The following HECW2 variants were observed in gnomAD, a reference collection of about 807,000 sequenced individuals.
The protein encoded by HECW2 is E3 ubiquitin-protein ligase HECW2.
A neutral mutation model predicts 175.2 loss-of-function variants in HECW2; 61 were observed. That is an observed-to-expected ratio of 0.35 (90% confidence interval 0.28 to 0.43). The LOEUF (loss-of-function observed/expected upper bound fraction) is 0.43. HECW2 is among the 20% of genes least tolerant of loss of function. The pLI is 1.00. For synonymous variants in HECW2, 671 were observed against 731.0 expected, an observed-to-expected ratio of 0.92 and a Z score of 1.32; for missense variants, 1,524 against 2,000.5, an observed-to-expected ratio of 0.76 and a Z score of 4.54.
chr2:196,280,256 C>T (rs1169065804), intron 14 of HECW2, among the ~76,000 whole-genome samples: 1 of 152,180 alleles, frequency 6.6e-6, no homozygotes, highest in Non-Finnish European at 1.5e-5. Flanking sequence ...AAAGAACTGA[C>T]CTTTCAAACC....
At chr2:196,350,099 C>T (rs1464940567) in intron 2 of HECW2, among the ~76,000 whole-genome samples, 1 of 152,144 alleles carries the variant, frequency 6.6e-6, no homozygotes, top group Non-Finnish European at 1.5e-5. Context: ...CATGGTGGCT[C>T]ATGCTTGTAA....
At chr2:196,323,962 T>C (rs1313791203) in intron 6 of HECW2, among the ~76,000 whole-genome samples, 2 of 149,730 alleles carry the variant, frequency 1.3e-5, no homozygotes, top group Non-Finnish European at 3.0e-5. Flanking sequence ...ATTAGTAGTT[T>C]CTTAAACCAA....
At chr2:196,472,498 A>AG (rs1362260636) in intron 1 of HECW2, among the ~76,000 whole-genome samples, 1 of 151,816 alleles carries the variant, frequency 6.6e-6, no homozygotes, top group East Asian at 1.9e-4. Context: ...AAAAAAAAAA[A>AG]AAAAAAGTGA....
chr2:196,473,150 T>C (rs112231238), intron 1 of HECW2, among the ~76,000 whole-genome samples: 5,873 of 152,256 alleles, frequency 0.039, 184 homozygotes, highest in Non-Finnish European at 0.054. Flanking sequence ...AAAAACCACA[T>C]TTTTCAAAAA....
At chr2:196,348,637 G>C (rs1385400726) in intron 2 of HECW2, among the ~76,000 whole-genome samples, 1 of 152,040 alleles carries the variant, frequency 6.6e-6, no homozygotes. Flanking sequence ...GACAGAGCAA[G>C]ACCCTAACTC....
chr2:196,531,386 G>A (rs186040331), intron 1 of HECW2, among the ~76,000 whole-genome samples: 2 of 152,220 alleles, frequency 1.3e-5, no homozygotes, highest in Admixed American at 6.5e-5. Context: ...GGCCAGGTGC[G>A]GCAGCTCAGG....
chr2:196,371,239 G>A (rs6749364), intron 2 of HECW2, among the ~76,000 whole-genome samples: 38,590 of 151,988 alleles, frequency 0.25, 6,321 homozygotes, highest in African/African-American at 0.47. Context: ...TAATGTACAC[G>A]TATAGGTACA....
In HECW2 at chr2:196,201,064, G is replaced by A. The variant is rs955356834; in HGVS notation, c.*213C>T. 2 of 505,618 alleles carry A rather than the reference G, an allele frequency of 4.0e-6. No individual in the cohort carries two copies. Among genetic ancestry groups the A allele is most frequent in the Non-Finnish European group, 3.6e-6 (1 of 276,322 alleles). The allele number at this position is 505,618 out of a possible 1,614,324, so 31.3% of individuals were successfully genotyped here. A position where few individuals can be genotyped will look rare whatever the true frequency, so the allele number is the denominator to read the frequency against. Reference sequence around the variant, plus strand: ...AAGAACTGTTGATTGAAAGACGGTTGGGTTGTTCCCTGGGCATCAAGCTCA... The same window carrying A: ...AAGAACTGTTGATTGAAAGACGGTTAGGTTGTTCCCTGGGCATCAAGCTCA... On this transcript the variant is annotated 3_prime_UTR_variant, in exon 29 of 29. Transcript: ENST00000644978.
chr2:196,510,461 A>G (rs371367250), intron 1 of HECW2, among the ~76,000 whole-genome samples: 33 of 152,286 alleles, frequency 2.2e-4, no homozygotes, highest in African/African-American at 7.0e-4. Context: ...AAACAGGAAA[A>G]TCTAGTGGGG....
chr2:196,318,916 T>A lies in HECW2; in HGVS notation c.1974A>T (p.Thr658=). 1 of 1,589,212 alleles carries A rather than the reference T, an allele frequency of 6.3e-7. No individual in the cohort carries two copies. Among genetic ancestry groups the A allele is most frequent in the Non-Finnish European group, 8.6e-7 (1 of 1,168,030 alleles). ...SVTTQLSSVD[T]RCSSLESARF... ...GTGCGCTCTCAAGAGAGGAGCACCG[T>A]GTGTCCACAGAGGACAGCTGCGTGG... The change falls in exon 9 of 29, where the codon ACA becomes ACT. Residue 658 remains threonine (T), a synonymous_variant. Coordinates refer to ENST00000644978, the MANE Select transcript of HECW2 (RefSeq NM_001348768.2).
At chr2:196,206,830 AC>A (rs1687085201) in intron 28 of HECW2, among the ~76,000 whole-genome samples, 1 of 152,174 alleles carries the variant, frequency 6.6e-6, no homozygotes, top group African/African-American at 2.4e-5. Context: ...GCTAGGAGAC[AC>A]CTTTGTTTCA....
At chr2:196,209,060 C>T (rs1370984681) in intron 28 of HECW2, among the ~76,000 whole-genome samples, 1 of 152,314 alleles carries the variant, frequency 6.6e-6, no homozygotes, top group Non-Finnish European at 1.5e-5. Context: ...TGAGCCCAAA[C>T]TGGTTTTTGC....
intron 2 of HECW2, among the ~76,000 whole-genome samples, chr2:196,355,108 AACTT>A (rs1693316133): frequency 6.6e-6 from 1 of 152,222 alleles, no homozygotes; most frequent in Admixed American, 6.5e-5. Flanking sequence ...GATATTGTAA[AACTT>A]ACTATAAATC....
At chr2:196,238,207 C>A (rs1688321581) in intron 21 of HECW2, among the ~76,000 whole-genome samples, 1 of 152,158 alleles carries the variant, frequency 6.6e-6, no homozygotes, top group Non-Finnish European at 1.5e-5. Flanking sequence ...CCAGCCTGGG[C>A]AGCAGAGTTA....
chr2:196,366,322 T>C (rs1037363790), intron 2 of HECW2, among the ~76,000 whole-genome samples: 3 of 152,188 alleles, frequency 2.0e-5, no homozygotes, highest in African/African-American at 7.2e-5. Flanking sequence ...TTAATATGCT[T>C]TGGAAGAGAA....
intron 13 of HECW2, among the ~76,000 whole-genome samples, chr2:196,303,353 T>G (rs1441262764): frequency 2.6e-5 from 4 of 152,222 alleles, no homozygotes; most frequent in African/African-American, 9.6e-5. Context: ...ATCAAGGATA[T>G]TGGCCTGAAG....
intron 15 of HECW2, among the ~76,000 whole-genome samples, chr2:196,278,052 C>T (rs963396025): frequency 3.5e-5 from 5 of 143,456 alleles, no homozygotes; most frequent in Non-Finnish European, 7.6e-5. Context: ...GGGTGCAGCA[C>T]ACCAACATGG....
At chr2:196,330,343 T>G (rs56167287) in intron 4 of HECW2, among the ~76,000 whole-genome samples, 2,873 of 152,302 alleles carry the variant, frequency 0.019, 106 homozygotes, top group African/African-American at 0.066. Flanking sequence ...TGTGGTACAT[T>G]AGGAAGAAAA....
intron 1 of HECW2, among the ~76,000 whole-genome samples, chr2:196,458,436 T>TCACACACA (rs34752264): frequency 1.4e-5 from 2 of 146,824 alleles, no homozygotes; most frequent in East Asian, 2.0e-4. Flanking sequence ...TCTCACTCAC[T>TCACACACA]CACACACACA....
Sources: gnomAD v4.1 joint callset for allele counts (sites outside exome capture counted in the v4.1 genomes callset) on GRCh38, gnomAD v4.1.1 for gene constraint, MANE v1.5 for transcripts, NCBI Gene and HGNC (gene_info 2026-07-23, HGNC 2026-07-21) for gene names.